VPS13B: variants seen among roughly 807,000 people sequenced by gnomAD.
VPS13B encodes the protein vacuolar protein sorting 13 homolog B.
A neutral mutation model predicts 426.4 loss-of-function variants in VPS13B; 285 were observed. The observed-to-expected ratio is 0.67, with a 90% confidence interval of 0.61 to 0.74. The LOEUF is 0.74. VPS13B is among the 30% of genes least tolerant of loss of function. VPS13B has a pLI of 0.00. For synonymous variants in VPS13B, 1,676 were observed against 1,676.4 expected, an observed-to-expected ratio of 1.00 and a Z score of 0.01; for missense variants, 4,537 against 4,782.6, an observed-to-expected ratio of 0.95 and a Z score of 1.51.
rs1033305514 is a variant in VPS13B, at chr8:99,060,660, G to A, written c.291+22094G>A. 2.0e-5 allele frequency among the ~76,000 whole-genome samples: 3 copies of A among 151,914 alleles called. No homozygotes were observed. The East Asian group carries it at 5.8e-4, about 29-fold the overall frequency. On this transcript the variant is annotated intron_variant, in intron 3 of 61. Coordinates refer to ENST00000357162, the MANE Select transcript of VPS13B (RefSeq NM_152564.5). The stretch of plus-strand genomic sequence containing the variant: ...ATAATATAATCTTTTATTATATGAT[G>A]TATAATCCTGAAATTTATGGCATAT...
chr8:99,814,879 T>C lies in VPS13B; in HGVS notation c.8098-2661T>C, dbSNP rs192835153. Among the ~76,000 whole-genome samples, 3 of 152,328 alleles carry C rather than the reference T, an allele frequency of 2.0e-5. No homozygotes were observed. The East Asian group carries it at 5.8e-4, about 29-fold the overall frequency. ...CTTTCTTTTTTATGGTTTCTAACTT[T>C]TCTTAATGAGTAGATATTAATTTTA... On this transcript the variant is annotated intron_variant, in intron 44 of 61. Transcript: ENST00000357162.
At chr8:99,290,581 C>A (rs570134414) in intron 19 of VPS13B, among the ~76,000 whole-genome samples, 41 of 151,196 alleles carry the variant, frequency 2.7e-4, no homozygotes, top group African/African-American at 1.0e-3. Flanking sequence ...GTGCAGCACA[C>A]CAACATGGCA....
chr8:99,303,140 C>G (rs1376763607), intron 19 of VPS13B, among the ~76,000 whole-genome samples: 2 of 149,232 alleles, frequency 1.3e-5, no homozygotes, highest in Admixed American at 6.7e-5. Flanking sequence ...ATTAGCTGGG[C>G]GTGGTAGAAT....
In VPS13B at chr8:99,501,003, G is replaced by A. The variant is rs570316353; in HGVS notation, c.3871-684G>A. Among the ~76,000 whole-genome samples the A allele has an allele frequency of 3.3e-5, 5 of 152,242 alleles. No homozygotes were observed. The South Asian group carries it at 1.0e-3, about 32-fold the overall frequency. ...AGTTCAGTATGTATTTGTTGAATCG[G>A]ATAAGCTTATGCTCTATTCCACTAA... On this transcript the variant is annotated intron_variant, in intron 25 of 61. Transcript: ENST00000357162.
chr8:99,428,609 G>A lies in VPS13B; in HGVS notation c.3083-2928G>A, dbSNP rs900314386. On this transcript the variant is annotated intron_variant, in intron 21 of 61. Transcript: ENST00000357162. ...ATACCATCTCACACCAGTTAGAATGGTGATCATTAAAAAGTCAGGAAACAA... is the reference window on the plus strand; with the variant it reads ...ATACCATCTCACACCAGTTAGAATGATGATCATTAAAAAGTCAGGAAACAA... Among the ~76,000 whole-genome samples, 33 of 152,292 alleles carry A rather than the reference G, an allele frequency of 2.2e-4. 1 individual carries two copies. Among genetic ancestry groups the A allele is most frequent in the Non-Finnish European group, 4.0e-4 (27 of 68,022 alleles).
chr8:99,094,961 T>G (rs1266018300), intron 3 of VPS13B, among the ~76,000 whole-genome samples: 2 of 152,228 alleles, frequency 1.3e-5, no homozygotes, highest in Non-Finnish European at 2.9e-5. Flanking sequence ...AAATGTATTC[T>G]TTTATCCTTA....
chr8:99,520,551 A>G (rs1588458748), intron 29 of VPS13B, among the ~76,000 whole-genome samples: 2 of 152,018 alleles, frequency 1.3e-5, no homozygotes, highest in East Asian at 3.9e-4. Flanking sequence ...AAAGCTGAAA[A>G]GCATTTAGGA....
intron 33 of VPS13B, among the ~76,000 whole-genome samples, chr8:99,628,551 A>G: frequency 6.6e-6 from 1 of 152,218 alleles, no homozygotes; most frequent in East Asian, 1.9e-4. Context: ...CATATGTAGC[A>G]GTGGACAAGA....
rs1217276903 is a variant in VPS13B at position 99,438,965 on chromosome 8, C to A, written c.3211-3436C>A. 2.6e-5 allele frequency among the ~76,000 whole-genome samples: 4 copies of A among 152,200 alleles called. No individual in the cohort carries two copies. In the South Asian group the frequency reaches 8.3e-4, roughly 32 times the overall value. On this transcript the variant is annotated intron_variant, in intron 22 of 61. Coordinates refer to ENST00000357162, the MANE Select transcript of VPS13B (RefSeq NM_152564.5). ...TTGTTTGTTGACTATCTTTCTTTAG[C>A]AAACGTTTAGGTAACACTTACTGTG...
intron 4 of VPS13B, among the ~76,000 whole-genome samples, chr8:99,102,501 G>T (rs192137450): frequency 6.6e-6 from 1 of 152,270 alleles, no homozygotes; most frequent in African/African-American, 2.4e-5. Context: ...AGGAAGAGAT[G>T]AAGGTAGCTG....
At chr8:99,446,783 A>G (rs1309159368) in intron 23 of VPS13B, among the ~76,000 whole-genome samples, 2 of 152,198 alleles carry the variant, frequency 1.3e-5, no homozygotes, top group Admixed American at 6.5e-5. Context: ...ATAAATCCAT[A>G]CATGTTACTA....
intron 3 of VPS13B, among the ~76,000 whole-genome samples, chr8:99,078,039 T>C (rs1410644298): frequency 6.6e-6 from 1 of 152,098 alleles, no homozygotes; most frequent in Non-Finnish European, 1.5e-5. Flanking sequence ...GGTTGTTTTT[T>C]TAATGACATC....
Position 99,078,119 on chromosome 8 carries a change from T to C in VPS13B, c.292-18193T>C, listed in dbSNP as rs1845238935. On this transcript the variant is annotated intron_variant, in intron 3 of 61. Coordinates refer to ENST00000357162, the MANE Select transcript of VPS13B (RefSeq NM_152564.5). ...TGTATTATTTATGTGTTTTCTCCTGTTTCTCACTGAGGCTCTTCGTTATCA... is the reference window on the plus strand; with the variant it reads ...TGTATTATTTATGTGTTTTCTCCTGCTTCTCACTGAGGCTCTTCGTTATCA... 1.3e-5 allele frequency among the ~76,000 whole-genome samples: 2 copies of C among 152,142 alleles called. 1 individual carries two copies. Among genetic ancestry groups the C allele is most frequent in the Middle Eastern group, 6.8e-3 (2 of 294 alleles).
At chr8:99,845,811 C>A (rs72676264) in intron 54 of VPS13B, among the ~76,000 whole-genome samples, 31 of 152,048 alleles carry the variant, frequency 2.0e-4, no homozygotes, top group African/African-American at 7.5e-4. Context: ...TATGTTTTCC[C>A]GACTTCTCAA....
chr8:99,089,312 T>G (rs1478836033), intron 3 of VPS13B, among the ~76,000 whole-genome samples: 1 of 152,184 alleles, frequency 6.6e-6, no homozygotes, highest in African/African-American at 2.4e-5. Flanking sequence ...ATCCCTGCCT[T>G]CCTTCCTTCT....
intron 31 of VPS13B, among the ~76,000 whole-genome samples, chr8:99,566,535 G>A (rs1825200066): frequency 6.6e-6 from 1 of 151,950 alleles, no homozygotes; most frequent in Admixed American, 6.6e-5. Flanking sequence ...CCGCCTCCTG[G>A]GTTCAAGCAA....
chr8:99,037,413 G>C (rs965330386), intron 2 of VPS13B, among the ~76,000 whole-genome samples: 1 of 151,964 alleles, frequency 6.6e-6, no homozygotes, highest in Non-Finnish European at 1.5e-5. Context: ...TCAAAATGTA[G>C]TCTTTTTATA....
chr8:99,111,416 A>G, intron 6 of VPS13B, 137 bp downstream of exon 6: 1 of 640,274 alleles, frequency 1.6e-6, no homozygotes. Flanking sequence ...TAAAAATTTT[A>G]TTTATGTTTA....
chr8:99,432,616 A>G (rs1173759315), intron 22 of VPS13B, among the ~76,000 whole-genome samples: 8 of 152,334 alleles, frequency 5.3e-5, no homozygotes, highest in African/African-American at 1.9e-4. Flanking sequence ...CTTACGGAGA[A>G]CGTTTTATTT....
Sources: allele counts gnomAD v4.1 joint callset (sites outside exome capture counted in the v4.1 genomes callset), GRCh38; gene constraint gnomAD v4.1.1; transcripts MANE v1.5; gene names NCBI Gene and HGNC (gene_info 2026-07-23, HGNC 2026-07-21).